Variants in EPHB1 observed in about 807,000 individuals in gnomAD.
EPHB1 encodes EPH receptor B1.
EPHB1 carries 30 observed loss-of-function variants against 94.4 expected under a neutral mutation model. The observed-to-expected ratio is 0.32, with a 90% confidence interval of 0.24 to 0.43. The LOEUF (loss-of-function observed/expected upper bound fraction) is 0.43. Ranked by LOEUF, EPHB1 falls within the 20% of genes least tolerant of loss-of-function variation. The pLI is 1.00. For missense variants in EPHB1, 1,055 were observed against 1,308.3 expected (o/e 0.81, Z 2.99); for synonymous variants, 522 against 489.1 (o/e 1.07, Z -0.89).
chr3:135,203,038 A>C (rs530412085), intron 12 of EPHB1, among the ~76,000 whole-genome samples: 2 of 152,250 alleles, frequency 1.3e-5, no homozygotes, highest in Non-Finnish European at 2.9e-5. Context: ...CTATGCAGCC[A>C]TATAAAAGAA....
At chr3:135,193,357 C>T (rs1035712135) in intron 11 of EPHB1, among the ~76,000 whole-genome samples, 1 of 152,252 alleles carries the variant, frequency 6.6e-6, no homozygotes, top group African/African-American at 2.4e-5. Context: ...GGCGAAGATT[C>T]CCAACCAACT....
chr3:135,148,021 A>G (rs2107692840), intron 5 of EPHB1, among the ~76,000 whole-genome samples: 1 of 152,354 alleles, frequency 6.6e-6, no homozygotes, highest in South Asian at 2.1e-4. Context: ...TTAACACAGT[A>G]AACTGTTATA....
At chr3:134,870,117 G>A (rs884381) in intron 1 of EPHB1, among the ~76,000 whole-genome samples, 83,045 of 152,040 alleles carry the variant, frequency 0.55, 25,542 homozygotes, top group East Asian at 0.8. Context: ...GGCATAGATG[G>A]GTTAATTGCA....
intron 11 of EPHB1, among the ~76,000 whole-genome samples, 172 bp from the exon 12 acceptor site, chr3:135,201,302 C>A (rs1942747996): frequency 6.6e-6 from 1 of 151,336 alleles, no homozygotes; most frequent in Non-Finnish European, 1.5e-5. Context: ...GAGAAGAGAA[C>A]AAAACATTCA....
intron 3 of EPHB1, among the ~76,000 whole-genome samples, chr3:134,977,788 G>T (rs1229657065): frequency 6.6e-6 from 1 of 152,150 alleles, no homozygotes; most frequent in Non-Finnish European, 1.5e-5. Context: ...CCCACAGTTT[G>T]CTCCACAGAG....
intron 4 of EPHB1, among the ~76,000 whole-genome samples, chr3:135,109,025 C>T (rs1413900053): frequency 6.6e-6 from 1 of 152,138 alleles, no homozygotes; most frequent in African/African-American, 2.4e-5. Flanking sequence ...GGTGCAGCCC[C>T]ACCAGCAGGG....
At chr3:135,030,879 C>G (rs866970231) in intron 3 of EPHB1, among the ~76,000 whole-genome samples, 1 of 152,210 alleles carries the variant, frequency 6.6e-6, no homozygotes, top group Non-Finnish European at 1.5e-5. Context: ...CAGCGAGACT[C>G]CTTGGAGTAG....
At chr3:134,898,569 T>C (rs1251047729) in intron 1 of EPHB1, among the ~76,000 whole-genome samples, 1 of 152,164 alleles carries the variant, frequency 6.6e-6, no homozygotes, top group Non-Finnish European at 1.5e-5. Context: ...GTCTGCACGC[T>C]AGCAGGTGAT....
chr3:135,122,166 C>T (rs778033027), intron 4 of EPHB1, among the ~76,000 whole-genome samples: 2 of 152,158 alleles, frequency 1.3e-5, no homozygotes, highest in Non-Finnish European at 2.9e-5. Flanking sequence ...CCCACATACA[C>T]AGCACAGCAC....
chr3:134,890,597 G>A (rs1363056272), intron 1 of EPHB1, among the ~76,000 whole-genome samples: 3 of 152,142 alleles, frequency 2.0e-5, no homozygotes, highest in Non-Finnish European at 4.4e-5. Context: ...CCTATATAGA[G>A]CCAGACTGTT....
chr3:134,973,237 A>C (rs1934048394), intron 3 of EPHB1, among the ~76,000 whole-genome samples: 1 of 152,084 alleles, frequency 6.6e-6, no homozygotes, highest in Admixed American at 6.5e-5. Flanking sequence ...GGCTGTGTTC[A>C]CTGGCTCCCT....
rs114535882 is a variant in EPHB1 at position 134,905,954 on chromosome 3, G to A, written c.59-19862G>A. Among the ~76,000 whole-genome samples the A allele has an allele frequency of 6.2e-3, 949 of 152,294 alleles. 7 individuals are homozygous for A. The highest frequency in any genetic ancestry group is 0.022 in the African/African-American group (911 of 41,550). ...TGCAGTATTGAATTTTCTCTTGGCT[G>A]ATCTCCTTTCTCATACCTCTGATTG... On this transcript the variant is annotated intron_variant, in intron 1 of 15. Coordinates refer to ENST00000398015, the MANE Select transcript of EPHB1 (RefSeq NM_004441.5).
In EPHB1 at chr3:134,862,418, T is replaced by G. The variant is rs2037284633; in HGVS notation, c.59-63398T>G. Among the ~76,000 whole-genome samples the G allele has an allele frequency of 4.0e-5, 6 of 151,708 alleles. No individual in the cohort carries two copies. The South Asian group carries it at 1.3e-3, about 32-fold the overall frequency. ...TATGATTTAACCACAGTTCTTTCTCTGAGGGTACAACGCTGCTTGGTCATG... is the reference window on the plus strand; with the variant it reads ...TATGATTTAACCACAGTTCTTTCTCGGAGGGTACAACGCTGCTTGGTCATG... On this transcript the variant is annotated intron_variant, in intron 1 of 15. Coordinates refer to ENST00000398015, the MANE Select transcript of EPHB1 (RefSeq NM_004441.5).
chr3:135,224,682 A>G (rs956612194), intron 12 of EPHB1, among the ~76,000 whole-genome samples: 2 of 152,210 alleles, frequency 1.3e-5, no homozygotes, highest in African/African-American at 4.8e-5. Context: ...TCTTATCTGA[A>G]CTAGTCTTTA....
chr3:134,805,585 ACATGTGTACACACACATGTCCACAGGTG>A (rs2036027795), intron 1 of EPHB1, among the ~76,000 whole-genome samples: 1 of 152,060 alleles, frequency 6.6e-6, no homozygotes, highest in African/African-American at 2.4e-5. Context: ...CCACACAGGT[ACATGTGTACACACACATGTCCACAGGTG>A]CATGTGCTGC....
intron 3 of EPHB1, among the ~76,000 whole-genome samples, chr3:135,071,065 T>C (rs958996930): frequency 3.3e-5 from 5 of 152,202 alleles, no homozygotes; most frequent in Non-Finnish European, 7.3e-5. Flanking sequence ...CAAACTATCC[T>C]CAAATACTGT....
intron 1 of EPHB1, among the ~76,000 whole-genome samples, chr3:134,805,762 C>T (rs2036031521): frequency 6.6e-6 from 1 of 152,138 alleles, no homozygotes; most frequent in South Asian, 2.1e-4. Context: ...TCTGGCTAAC[C>T]CTAAATTATT....
At chr3:134,948,842 C>T (rs900333657) in intron 2 of EPHB1, among the ~76,000 whole-genome samples, 9 of 152,218 alleles carry the variant, frequency 5.9e-5, no homozygotes, top group African/African-American at 1.9e-4. Flanking sequence ...TTACCTGTTG[C>T]GTGGAGGATG....
intron 3 of EPHB1, among the ~76,000 whole-genome samples, chr3:134,954,121 T>G (rs1933145665): frequency 6.6e-6 from 1 of 152,232 alleles, no homozygotes; most frequent in Non-Finnish European, 1.5e-5. Context: ...GAGTGGCATC[T>G]TGGGTCTTGT....
Sources: gnomAD v4.1 joint callset for allele counts (sites outside exome capture counted in the v4.1 genomes callset) on GRCh38, gnomAD v4.1.1 for gene constraint, MANE v1.5 for transcripts, NCBI Gene and HGNC (gene_info 2026-07-23, HGNC 2026-07-21) for gene names.